OR11A1: variants seen among roughly 807,000 people sequenced by gnomAD.
The protein encoded by OR11A1 is olfactory receptor family 11 subfamily A member 1.
For synonymous variants in OR11A1, 158 were observed against 152.2 expected (o/e 1.04, Z -0.28); for missense variants, 380 against 378.2 (o/e 1.00, Z -0.04).
At chr6:29,454,635 C>T (rs1785834747) in intron 1 of OR11A1, among the ~76,000 whole-genome samples, 2 of 152,024 alleles carry the variant, frequency 1.3e-5, no homozygotes, top group African/African-American at 4.8e-5. Flanking sequence ...AAATCATATG[C>T]CTTCAATGAC....
rs1782943694 is a variant in OR11A1, at chr6:29,427,684, AT to A, written c.-44del. On this transcript the variant is annotated 5_prime_UTR_variant, in exon 5 of 5. Coordinates refer to ENST00000377149, the MANE Select transcript of OR11A1 (RefSeq NM_001394828.1). ...CTGCTTGGCAATAATTGGGGGAGAA[AT>A]TTTAGCATGTCTCTGCATCTTCTAT... The A allele has an allele frequency of 1.9e-6, 3 of 1,569,030 alleles. No homozygotes were observed. The East Asian group carries it at 6.8e-5, about 35-fold the overall frequency.
chr6:29,428,649 C>T (rs1413176576), intron 4 of OR11A1, among the ~76,000 whole-genome samples: 1 of 147,968 alleles, frequency 6.8e-6, no homozygotes, highest in African/African-American at 2.5e-5. Context: ...CCCAGCTACT[C>T]GGGATGCCGA....
At chr6:29,428,030 T>G (rs1242237314) in intron 4 of OR11A1, among the ~76,000 whole-genome samples, 1 of 152,174 alleles carries the variant, frequency 6.6e-6, no homozygotes, top group Non-Finnish European at 1.5e-5. Context: ...CAGTATAATA[T>G]TCTCCAAATG....
intron 1 of OR11A1, chr6:29,439,904 T>C: frequency 2.6e-6 from 2 of 763,774 alleles, no homozygotes; most frequent in Non-Finnish European, 2.2e-6. Context: ...AAGGGAGATC[T>C]AGTGCTGCGA....
At chr6:29,432,168 A>C (rs181741254) in intron 1 of OR11A1, 181 bp from the exon 2 acceptor site, 1 of 186,750 alleles carries the variant, frequency 5.4e-6, no homozygotes, top group Non-Finnish European at 1.0e-5. Flanking sequence ...GAGGCCCCTG[A>C]GAACCAATTA....
At chr6:29,428,667 G>A (rs1265912031) in intron 4 of OR11A1, among the ~76,000 whole-genome samples, 1 of 143,512 alleles carries the variant, frequency 7.0e-6, no homozygotes, top group East Asian at 2.1e-4. Context: ...CGAGGCAGAA[G>A]AATGGCGTGA....
intron 1 of OR11A1, chr6:29,440,659 G>A: frequency 1.2e-6 from 2 of 1,614,120 alleles, no homozygotes; most frequent in Non-Finnish European, 8.5e-7. Context: ...CTCATCCTGG[G>A]CTCCTACGGG....
At chr6:29,448,583 A>G (rs1785018911) in intron 1 of OR11A1, among the ~76,000 whole-genome samples, 3 of 152,244 alleles carry the variant, frequency 2.0e-5, no homozygotes, top group Non-Finnish European at 4.4e-5. Flanking sequence ...CTGTTTAAGT[A>G]GGCACCAAAC....
chr6:29,445,594 C>A (rs937288764), intron 1 of OR11A1, among the ~76,000 whole-genome samples: 3 of 152,224 alleles, frequency 2.0e-5, no homozygotes, highest in Admixed American at 2.0e-4. Flanking sequence ...TGCTTCCCTG[C>A]ATCAGCTCCT....
Position 29,427,612 on chromosome 6 carries a change from A to T in OR11A1, c.30T>A (p.Thr10=), listed in dbSNP as rs1357538218. The change falls in exon 5 of 5, where the codon ACT becomes ACA. Residue 10 remains threonine, a synonymous_variant. Coordinates refer to ENST00000377149, the MANE Select transcript of OR11A1 (RefSeq NM_001394828.1). MEIVSTGNE[T]ITEFVLLGFY... ...AGCCAAGGAGGACAAATTCAGTAAT[A>T]GTTTCGTTTCCTGTGGAGACAATTT... 6.2e-7 allele frequency: 1 copy of T among 1,610,904 alleles called. No individual in the cohort carries two copies. Among genetic ancestry groups the T allele is most frequent in the Admixed American group, 1.7e-5 (1 of 59,860 alleles).
At position 29,426,431 on chromosome 6, in the gene OR11A1, G is replaced by T; in HGVS notation, c.*263C>A. On this transcript the variant is annotated 3_prime_UTR_variant, in exon 5 of 5. Coordinates refer to ENST00000377149, the MANE Select transcript of OR11A1 (RefSeq NM_001394828.1). ...CAGGAAAAATGATTAATGAGTACTAGGCTTAATACCTGGGTGATGAAATAA... is the reference window on the plus strand; with the variant it reads ...CAGGAAAAATGATTAATGAGTACTATGCTTAATACCTGGGTGATGAAATAA... The T allele has an allele frequency of 2.2e-6, 1 of 451,756 alleles. No homozygotes were observed. Among genetic ancestry groups the T allele is most frequent in the Non-Finnish European group, 3.9e-6 (1 of 255,638 alleles). 28.0% of individuals were successfully genotyped at this position (451,756 alleles called of 1,614,324 possible). A position where few individuals can be genotyped will look rare whatever the true frequency, so the allele number is the denominator to read the frequency against.
rs1443108017 is a variant in OR11A1 at position 29,439,228 on chromosome 6, T to C, written c.-388-7241A>G. On this transcript the variant is annotated intron_variant, in intron 1 of 4. Coordinates refer to ENST00000377149, the MANE Select transcript of OR11A1 (RefSeq NM_001394828.1). The stretch of plus-strand genomic sequence containing the variant: ...AAATATAATTTGACAGTGTGTGAAT[T>C]TGTGGAGTTTATGTGTGTAGTTTGG... The C allele has an allele frequency of 2.0e-5, 3 of 152,188 alleles. No individual in the cohort carries two copies. The South Asian group carries it at 6.2e-4, about 31-fold the overall frequency. 9.4% of individuals were successfully genotyped at this position (152,188 alleles called of 1,614,324 possible). A position where few individuals can be genotyped will look rare whatever the true frequency, so the allele number is the denominator to read the frequency against.
rs1782920293 is a variant in OR11A1 at position 29,427,524 on chromosome 6, T to G, written c.118A>C (p.Ile40Leu). 1 of 1,612,952 alleles carries G rather than the reference T, an allele frequency of 6.2e-7. No individual in the cohort carries two copies. Among genetic ancestry groups the G allele is most frequent in the Admixed American group, 1.7e-5 (1 of 60,014 alleles). The change falls in exon 5 of 5, where the codon ATC (isoleucine) becomes CTC (leucine). Residue 40 changes from isoleucine (I) to leucine (L), a missense_variant. Physicochemically the swap from Ile to Leu is conservative, Grantham distance 5. Coordinates refer to ENST00000377149, the MANE Select transcript of OR11A1 (RefSeq NM_001394828.1). ...FIVFTAVYVFIIIGNMLIIVA... is the reference protein window; with the variant it reads ...FIVFTAVYVFLIIGNMLIIVA... The stretch of plus-strand genomic sequence containing the variant: ...ATAATCAGCATATTCCCTATGATGA[T>G]GAAGACATAGACAGCAGTGAATACA...
chr6:29,432,696 C>T (rs747138221), intron 1 of OR11A1, among the ~76,000 whole-genome samples: 27 of 152,170 alleles, frequency 1.8e-4, no homozygotes, highest in Non-Finnish European at 2.6e-4. Context: ...TGCCCAACAA[C>T]TTTGTCTGCC....
intron 1 of OR11A1, chr6:29,450,541 G>A (rs1160674486): frequency 6.6e-6 from 1 of 152,138 alleles, no homozygotes; most frequent in Non-Finnish European, 1.5e-5. Context: ...CATCTGGCAT[G>A]GCACAGAATA....
intron 1 of OR11A1, among the ~76,000 whole-genome samples, 154 bp downstream of exon 1, chr6:29,456,833 G>A (rs1381711506): frequency 6.6e-6 from 1 of 152,184 alleles, no homozygotes. Flanking sequence ...ATAGTAGCTG[G>A]TGATTCTAGC....
intron 1 of OR11A1, among the ~76,000 whole-genome samples, chr6:29,456,176 G>A (rs1224871948): frequency 1.3e-5 from 2 of 150,620 alleles, no homozygotes; most frequent in African/African-American, 4.9e-5. Context: ...GTTCCAGTGA[G>A]CCGAGATCAC....
chr6:29,443,810 T>C (rs1255561975), intron 1 of OR11A1, among the ~76,000 whole-genome samples: 1 of 152,204 alleles, frequency 6.6e-6, no homozygotes, highest in Admixed American at 6.5e-5. Context: ...CCTCACGATA[T>C]ATTTTTGAGA....
rs6910208 is a variant in OR11A1 at position 29,430,306 on chromosome 6, G to A, written c.-145C>T. On this transcript the variant is annotated 5_prime_UTR_variant, in exon 3 of 5. Transcript: ENST00000377149. ...CTCTAAAGCTATTCTCTTACCCTTT[G>A]ATCCCATCTGCATTTCCTTGTGAGT... 3 of 985,224 alleles carry A rather than the reference G, an allele frequency of 3.0e-6. No individual in the cohort carries two copies. The highest frequency in any genetic ancestry group is 3.6e-6 in the Non-Finnish European group (3 of 829,934). The allele number at this position is 985,224 out of a possible 1,614,324, so 61.0% of individuals were successfully genotyped here. A position where few individuals can be genotyped will look rare whatever the true frequency, so the allele number is the denominator to read the frequency against.
Sources: allele counts gnomAD v4.1 joint callset (sites outside exome capture counted in the v4.1 genomes callset), GRCh38; gene constraint gnomAD v4.1.1; transcripts MANE v1.5; gene names NCBI Gene and HGNC (gene_info 2026-07-23, HGNC 2026-07-21).